MAGI1: variants seen among roughly 807,000 people sequenced by gnomAD.
MAGI1 encodes the protein membrane-associated guanylate kinase, WW and PDZ domain-containing protein 1.
Under a neutral mutation model 139.9 loss-of-function variants are expected in MAGI1, and 58 were observed. The ratio of observed to expected loss-of-function variants is 0.41; its 90% confidence interval spans 0.34 to 0.52. The LOEUF is 0.52. MAGI1 is among the 20% of genes least tolerant of loss of function. The probability of loss-of-function intolerance (pLI) is 0.12; values close to 1 mark genes in which losing one functional copy is unlikely to be tolerated. For synonymous variants in MAGI1, 812 were observed against 737.9 expected (o/e 1.10, Z -1.63); for missense variants, 1,874 against 1,901.6 (o/e 0.99, Z 0.27).
intron 2 of MAGI1, among the ~76,000 whole-genome samples, chr3:65,563,339 T>C (rs959342314): frequency 2.0e-4 from 31 of 152,182 alleles, no homozygotes; most frequent in African/African-American, 7.5e-4. Context: ...ACACCAGCTT[T>C]CAAGGTGACA....
intron 2 of MAGI1, among the ~76,000 whole-genome samples, chr3:65,591,075 T>G (rs1424560354): frequency 6.6e-6 from 1 of 152,124 alleles, no homozygotes; most frequent in East Asian, 1.9e-4. Flanking sequence ...GTTCCTTTCA[T>G]CACCGTTTCC....
chr3:65,749,449 C>T (rs1168694215), intron 1 of MAGI1, among the ~76,000 whole-genome samples: 1 of 152,068 alleles, frequency 6.6e-6, no homozygotes, highest in Non-Finnish European at 1.5e-5. Flanking sequence ...TACGTTCTCA[C>T]TCATAAGTGG....
intron 1 of MAGI1, among the ~76,000 whole-genome samples, chr3:65,685,496 G>C (rs1438501801): frequency 6.6e-6 from 1 of 152,040 alleles, no homozygotes; most frequent in African/African-American, 2.4e-5. Flanking sequence ...GATATCAAAA[G>C]CAGAAAAATC....
intron 1 of MAGI1, among the ~76,000 whole-genome samples, chr3:65,959,279 A>C (rs2064290154): frequency 6.6e-6 from 1 of 151,926 alleles, no homozygotes; most frequent in South Asian, 2.1e-4. Flanking sequence ...TTTGTCTTCT[A>C]CTCCCTTAAG....
intron 14 of MAGI1, among the ~76,000 whole-genome samples, chr3:65,390,334 G>T (rs1054644879): frequency 3.3e-5 from 5 of 152,050 alleles, no homozygotes; most frequent in African/African-American, 1.2e-4. Flanking sequence ...AGAAAATGAG[G>T]TATCTGTCCT....
chr3:65,838,388 A>G (rs1228611701), intron 1 of MAGI1, among the ~76,000 whole-genome samples: 2 of 152,228 alleles, frequency 1.3e-5, no homozygotes, highest in Admixed American at 6.5e-5. Context: ...CTACTCCTTT[A>G]GTGCATACAC....
chr3:65,372,298 T>G (rs1559503580), intron 18 of MAGI1, among the ~76,000 whole-genome samples: 1 of 152,188 alleles, frequency 6.6e-6, no homozygotes, highest in Non-Finnish European at 1.5e-5. Context: ...GGTGACCAGG[T>G]GTATTGTCCA....
intron 1 of MAGI1, among the ~76,000 whole-genome samples, chr3:65,686,682 G>C (rs776868363): frequency 6.6e-6 from 1 of 152,142 alleles, no homozygotes; most frequent in Non-Finnish European, 1.5e-5. Flanking sequence ...ATCTCTTAAT[G>C]AATTATGCTA....
intron 12 of MAGI1, among the ~76,000 whole-genome samples, chr3:65,424,884 C>A (rs1360668142): frequency 6.6e-6 from 1 of 152,046 alleles, no homozygotes; most frequent in Non-Finnish European, 1.5e-5. Flanking sequence ...ACCTGGGCAA[C>A]ACAGTGAGAC....
chr3:65,440,756 A>G (rs1343581509), intron 8 of MAGI1, among the ~76,000 whole-genome samples: 3 of 151,946 alleles, frequency 2.0e-5, no homozygotes, highest in African/African-American at 7.2e-5. Flanking sequence ...CAAAGATCCA[A>G]ACACTTAGAT....
intron 12 of MAGI1, among the ~76,000 whole-genome samples, chr3:65,423,184 C>T (rs901272828): frequency 6.6e-6 from 1 of 152,118 alleles, no homozygotes; most frequent in Admixed American, 6.5e-5. Context: ...TTTCTGGGGC[C>T]CTACAGCTCA....
chr3:65,582,855 C>T (rs1436360375), intron 2 of MAGI1, among the ~76,000 whole-genome samples: 1 of 152,178 alleles, frequency 6.6e-6, no homozygotes, highest in African/African-American at 2.4e-5. Flanking sequence ...TGACATGAGA[C>T]ATGACTTCTC....
In MAGI1 at chr3:65,401,342, T is replaced by C. The variant is rs540983029; in HGVS notation, c.2199+97A>G. On this transcript the variant is annotated intron_variant, in intron 13 of 22. Transcript: ENST00000402939. ...TCTCCCCCATCCACTGTAAAACACA[T>C]TTAGTGAAGTGAAGCCACACAGAGT... The C allele has an allele frequency of 4.3e-5, 62 of 1,447,920 alleles. No homozygotes were observed. In the African/African-American group the frequency reaches 8.5e-4, roughly 20 times the overall value. The allele number at this position is 1,447,920 out of a possible 1,614,324, so 89.7% of individuals were successfully genotyped here. A position where few individuals can be genotyped will look rare whatever the true frequency, so the allele number is the denominator to read the frequency against.
chr3:65,631,869 CA>C (rs1295221480), intron 1 of MAGI1, among the ~76,000 whole-genome samples: 1 of 151,836 alleles, frequency 6.6e-6, no homozygotes, highest in African/African-American at 2.4e-5. Context: ...ACCAAAAACA[CA>C]AAAAATTAGA....
intron 8 of MAGI1, among the ~76,000 whole-genome samples, chr3:65,442,015 C>T (rs1444693573): frequency 6.6e-6 from 1 of 151,082 alleles, no homozygotes; most frequent in African/African-American, 2.4e-5. Flanking sequence ...ATGGCATTTG[C>T]TTCTTTTGAA....
chr3:65,431,512 T>C (rs7642599), intron 10 of MAGI1, among the ~76,000 whole-genome samples: 142,834 of 152,224 alleles, frequency 0.94, 67,661 homozygotes, highest in East Asian at 1. Context: ...ATTTGTGATA[T>C]AGCCAACGCA....
intron 1 of MAGI1, among the ~76,000 whole-genome samples, chr3:65,713,739 C>T (rs185613577): frequency 2.3e-3 from 348 of 152,286 alleles, no homozygotes; most frequent in South Asian, 5.0e-3. Flanking sequence ...GTGCCTACTA[C>T]GTCACAGGTA....
intron 1 of MAGI1, among the ~76,000 whole-genome samples, chr3:66,013,432 AG>A (rs1287041615): frequency 6.7e-6 from 1 of 150,134 alleles, no homozygotes; most frequent in African/African-American, 2.4e-5. Context: ...AAAAAAAAAA[AG>A]AACTTCAATC....
rs188337111 is a variant in MAGI1, at chr3:65,828,242, A to G, written c.314-206154T>C. On this transcript the variant is annotated intron_variant, in intron 1 of 22. Transcript: ENST00000402939. Reference sequence around the variant, plus strand: ...TCTCATCAGACTTCTTCAACTGGCCAGAGGAGGACCATCAGGTTCTGTCCA... The same window carrying G: ...TCTCATCAGACTTCTTCAACTGGCCGGAGGAGGACCATCAGGTTCTGTCCA... Among the ~76,000 whole-genome samples the G allele has an allele frequency of 1.1e-4, 16 of 152,314 alleles. No individual in the cohort carries two copies. The East Asian group carries it at 3.1e-3, about 29-fold the overall frequency.
Sources: allele counts gnomAD v4.1 joint callset (sites outside exome capture counted in the v4.1 genomes callset), GRCh38; gene constraint gnomAD v4.1.1; transcripts MANE v1.5; gene names NCBI Gene and HGNC (gene_info 2026-07-23, HGNC 2026-07-21).